Variants in ACYP2 observed in about 807,000 individuals in gnomAD.
The protein encoded by ACYP2 is acylphosphatase 2.
In ACYP2, 12 loss-of-function variants were observed where a neutral mutation model predicts 11.2. The ratio of observed to expected loss-of-function variants is 1.08; its 90% CI spans 0.69 to 1.74. ACYP2 has a LOEUF of 1.74. Ranked by LOEUF, ACYP2 falls within the 40% of genes most tolerant of loss-of-function variation. The pLI, the probability that ACYP2 is intolerant of heterozygous loss-of-function variation, is 0.00. For synonymous variants in ACYP2, 43 were observed against 32.2 expected (o/e 1.33, Z -1.13); for missense variants, 134 against 101.9 (o/e 1.31, Z -1.35).
At chr2:54,264,446 C>T (rs370805050) in intron 6 of ACYP2, among the ~76,000 whole-genome samples, 3 of 152,280 alleles carry the variant, frequency 2.0e-5, no homozygotes, top group Admixed American at 6.5e-5. Context: ...ACTCCCCACC[C>T]GACCCAGAAG....
intron 2 of ACYP2, among the ~76,000 whole-genome samples, chr2:53,986,864 A>G (rs1672063271): frequency 6.6e-6 from 1 of 151,914 alleles, no homozygotes; most frequent in Admixed American, 6.6e-5. Context: ...ACCTCAGGTG[A>G]TCCACCTGCC....
chr2:54,034,743 G>T (rs1285041497), intron 2 of ACYP2, among the ~76,000 whole-genome samples: 1 of 152,110 alleles, frequency 6.6e-6, no homozygotes, highest in Non-Finnish European at 1.5e-5. Context: ...GGGCACGGTG[G>T]CTCACGCCTG....
At chr2:53,973,886 TGTGTG>T (rs1225600066) in intron 2 of ACYP2, 1 of 132,070 alleles carries the variant, frequency 7.6e-6, no homozygotes, top group Non-Finnish European at 1.4e-5. Context: ...TGTGTGTGTG[TGTGTG>T]TGTGTGTGTG....
At chr2:54,226,634 G>A (rs904616911) in intron 6 of ACYP2, among the ~76,000 whole-genome samples, 5 of 152,212 alleles carry the variant, frequency 3.3e-5, no homozygotes, top group Non-Finnish European at 7.3e-5. Flanking sequence ...AGAGAATACT[G>A]GAAGATGTGA....
intron 6 of ACYP2, among the ~76,000 whole-genome samples, chr2:54,144,497 A>G (rs1187145682): frequency 6.6e-6 from 1 of 151,942 alleles, no homozygotes; most frequent in Non-Finnish European, 1.5e-5. Context: ...AACATGGTGA[A>G]ACCCCGTCTC....
At chr2:54,039,125 G>A (rs566660243) in intron 2 of ACYP2, among the ~76,000 whole-genome samples, 9 of 152,006 alleles carry the variant, frequency 5.9e-5, no homozygotes, top group Middle Eastern at 3.4e-3. Context: ...AGAAGTAGAG[G>A]GTGAGGTTGG....
At position 54,064,581 on chromosome 2, in the gene ACYP2, G is replaced by A. The variant is rs558466573; in HGVS notation, c.277+7221G>A. Reference sequence around the variant, plus strand: ...TAGCCAGAGTCCACGTCTGCTTTTAGTAACTAAGAGCCCTGAGTGTACTTA... The same window carrying A: ...TAGCCAGAGTCCACGTCTGCTTTTAATAACTAAGAGCCCTGAGTGTACTTA... On this transcript the variant is annotated intron_variant, in intron 4 of 6. Coordinates refer to ENST00000607452, the MANE Select transcript of ACYP2 (RefSeq NM_001320586.2). Among the ~76,000 whole-genome samples, 632 of 152,268 alleles carry A rather than the reference G, an allele frequency of 4.2e-3. 1 individual carries two copies. The highest frequency in any genetic ancestry group is 6.7e-3 in the Non-Finnish European group (456 of 68,008).
At chr2:54,051,602 A>G in intron 3 of ACYP2, 2 of 742,716 alleles carry the variant, frequency 2.7e-6, no homozygotes, top group Non-Finnish European at 5.0e-6. Flanking sequence ...AGAGATGTGG[A>G]ATGACACTGC....
chr2:54,214,478 A>G (rs1685474174), intron 6 of ACYP2, among the ~76,000 whole-genome samples: 1 of 152,208 alleles, frequency 6.6e-6, no homozygotes, highest in East Asian at 1.9e-4. Context: ...TTATCTCAGC[A>G]CCACTTATCG....
At chr2:54,111,001 G>A (rs1679432873) in intron 4 of ACYP2, among the ~76,000 whole-genome samples, 2 of 152,098 alleles carry the variant, frequency 1.3e-5, no homozygotes, top group African/African-American at 2.4e-5. Flanking sequence ...AACTAGATAT[G>A]ATGGGAGGGA....
At chr2:54,171,765 C>G (rs184830358) in intron 6 of ACYP2, among the ~76,000 whole-genome samples, 97 of 152,074 alleles carry the variant, frequency 6.4e-4, no homozygotes, top group African/African-American at 2.1e-3. Flanking sequence ...CTTGTCAGTT[C>G]TATTTTTCGG....
intron 4 of ACYP2, among the ~76,000 whole-genome samples, chr2:54,089,176 TC>T (rs1257997826): frequency 6.6e-6 from 1 of 152,196 alleles, no homozygotes; most frequent in Non-Finnish European, 1.5e-5. Context: ...TAATTTTACT[TC>T]CCAATATTTA....
intron 2 of ACYP2, among the ~76,000 whole-genome samples, chr2:53,989,100 A>T (rs1672162058): frequency 6.6e-6 from 1 of 151,978 alleles, no homozygotes; most frequent in Non-Finnish European, 1.5e-5. Flanking sequence ...GTCCAGTCCC[A>T]GTAGGAATAT....
chr2:54,034,602 G>A (rs541566409), intron 2 of ACYP2, among the ~76,000 whole-genome samples: 1 of 152,286 alleles, frequency 6.6e-6, no homozygotes, highest in South Asian at 2.1e-4. Flanking sequence ...CGATGAAATT[G>A]CTTAACAATG....
intron 4 of ACYP2, among the ~76,000 whole-genome samples, chr2:54,113,227 T>C (rs949052186): frequency 6.6e-6 from 1 of 150,728 alleles, no homozygotes; most frequent in Non-Finnish European, 1.5e-5. Context: ...CTGCATGAGT[T>C]CAGTAGAGAT....
chr2:54,116,723 G>A (rs546407871), intron 4 of ACYP2, among the ~76,000 whole-genome samples: 22 of 152,072 alleles, frequency 1.4e-4, no homozygotes, highest in Non-Finnish European at 2.2e-4. Flanking sequence ...TGCGACTCGC[G>A]GATGAAGCAA....
chr2:54,151,246 G>T (rs1162804744), intron 6 of ACYP2, among the ~76,000 whole-genome samples: 1 of 152,112 alleles, frequency 6.6e-6, no homozygotes, highest in African/African-American at 2.4e-5. Context: ...TGAGTTTCCA[G>T]TTGTGACAAT....
At chr2:54,232,418 C>T (rs1686274808) in intron 6 of ACYP2, among the ~76,000 whole-genome samples, 1 of 152,144 alleles carries the variant, frequency 6.6e-6, no homozygotes, top group Non-Finnish European at 1.5e-5. Flanking sequence ...TATCCCTGCT[C>T]TTCCCTGAGT....
chr2:54,124,442 C>A (rs1299805366), intron 4 of ACYP2, among the ~76,000 whole-genome samples: 2 of 152,084 alleles, frequency 1.3e-5, no homozygotes, highest in South Asian at 2.1e-4. Flanking sequence ...GTGATCCACC[C>A]TCCTCGGCCT....
Sources: allele counts gnomAD v4.1 joint callset (sites outside exome capture counted in the v4.1 genomes callset), GRCh38; gene constraint gnomAD v4.1.1; transcripts MANE v1.5; gene names NCBI Gene and HGNC (gene_info 2026-07-23, HGNC 2026-07-21).